LONRF3: variants seen among roughly 807,000 people sequenced by gnomAD.
LONRF3 encodes the protein LON peptidase N-terminal domain and RING finger protein 3.
In LONRF3, 19 loss-of-function variants were observed where a neutral mutation model predicts 51.7. The ratio of observed to expected loss-of-function variants is 0.37; its 90% CI spans 0.26 to 0.54. The LOEUF (loss-of-function observed/expected upper bound fraction) is 0.54, where lower values mean the gene tolerates loss of function less well. LONRF3 is among the 20% of genes least tolerant of loss of function. The pLI is 0.86. For missense variants in LONRF3, 521 were observed against 623.9 expected, an observed-to-expected ratio of 0.84 and a Z score of 1.76; for synonymous variants, 265 against 257.8, an observed-to-expected ratio of 1.03 and a Z score of -0.27.
chrX:118,999,883 G>A (rs1406291857), intron 5 of LONRF3, among the ~76,000 whole-genome samples: 2 of 111,931 alleles, frequency 1.8e-5, no homozygotes, highest in African/African-American at 6.5e-5. Flanking sequence ...GCCTCTCACT[G>A]CTTGATGGTG....
intron 5 of LONRF3, among the ~76,000 whole-genome samples, chrX:118,997,929 C>T: frequency 8.9e-6 from 1 of 112,564 alleles, no homozygotes; most frequent in Non-Finnish European, 1.9e-5. Context: ...GAGATACCAC[C>T]TTACTCCTGT....
At chrX:118,996,042 A>C (rs982489139) in intron 5 of LONRF3, among the ~76,000 whole-genome samples, 2 of 112,417 alleles carry the variant, frequency 1.8e-5, no homozygotes, top group African/African-American at 6.5e-5. Flanking sequence ...AACCAAAAAA[A>C]GAAAACCACA....
At position 118,974,802 on chromosome X, in the gene LONRF3, C is replaced by G; in HGVS notation, c.22C>G (p.Gln8Glu). 1 of 1,208,022 alleles carries G rather than the reference C, an allele frequency of 8.3e-7. No homozygotes were observed. ...TCCCATGGAGTCAGTACGGATCGAA[C>G]AGATGCTGAGCTTGCCCGCTGAGGT... MESVRIE[Q>E]MLSLPAEVSS... The change falls in exon 1 of 11, where the codon CAG (glutamine) becomes GAG (glutamate). Residue 8 changes from glutamine to glutamate, a missense_variant. Around this residue, in one of 2 missense-constraint regions of LONRF3, gnomAD observed 376 missense variants for 376.7 expected, o/e 1.00. Transcript: ENST00000371628.
intron 8 of LONRF3, among the ~76,000 whole-genome samples, chrX:119,012,729 C>T (rs1382562504): frequency 8.9e-6 from 1 of 112,321 alleles, no homozygotes; most frequent in Non-Finnish European, 1.9e-5. Context: ...AATGTCCCAC[C>T]TCTTAATAAT....
Position 119,014,255 on chromosome X carries a change from T to C in LONRF3, c.2023T>C (p.Tyr675His), listed in dbSNP as rs1374560713. 10 of 1,207,899 alleles carry C rather than the reference T, an allele frequency of 8.3e-6. No individual in the cohort carries two copies. Among genetic ancestry groups the C allele is most frequent in the Non-Finnish European group, 1.1e-5 (10 of 893,283 alleles). ...GCTCATGGGATTACATAACTGTGTC[T>C]ATCAGCAAGCATCATTGTGGTTTCA... is the stretch of plus-strand genomic sequence containing the variant. ...AELMGLHNCV[Y>H]QQASLWFHSL... Residue 675 changes from tyrosine (Y) to histidine (H), a missense_variant, in exon 10 of 11, where the codon TAT (tyrosine) becomes CAT (histidine). By Grantham distance (83) the Tyr-to-His change is moderately conservative. This residue lies in a region of LONRF3 where 145 missense variants were observed against 247.2 expected (regional missense o/e 0.59). Coordinates refer to ENST00000371628, the MANE Select transcript of LONRF3 (RefSeq NM_001031855.3).
chrX:118,979,823 G>A (rs1054896496), intron 2 of LONRF3, among the ~76,000 whole-genome samples: 1 of 111,279 alleles, frequency 9.0e-6, no homozygotes, highest in Non-Finnish European at 1.9e-5. Context: ...TCACATGGGG[G>A]GTGAGAAGAA....
chrX:119,005,364 C>A (rs1270400525), intron 5 of LONRF3, among the ~76,000 whole-genome samples: 1 of 111,831 alleles, frequency 8.9e-6, no homozygotes, highest in African/African-American at 3.3e-5. Flanking sequence ...AGGATTCCCA[C>A]ATTGCTTTGA....
chrX:119,006,916 G>T (rs753459492), intron 6 of LONRF3, among the ~76,000 whole-genome samples: 34 of 108,710 alleles, frequency 3.1e-4, no homozygotes, highest in African/African-American at 1.1e-3. Flanking sequence ...TAGAAATGGG[G>T]TTTCACCATA....
rs1921926985 is a variant in LONRF3 at position 118,975,349 on chromosome X, G to GGCGCTGT, written c.580_586dup (p.Gly196AlafsTer78). 7 of 1,209,798 alleles carry GGCGCTGT rather than the reference G, an allele frequency of 5.8e-6. No individual in the cohort carries two copies. Among genetic ancestry groups the GGCGCTGT allele is most frequent in the Non-Finnish European group, 7.8e-6 (7 of 894,841 alleles). On this transcript the variant is annotated frameshift_variant, in exon 1 of 11. Coordinates refer to ENST00000371628, the MANE Select transcript of LONRF3 (RefSeq NM_001031855.3). LOFTEE classifies it high-confidence loss of function. The stretch of plus-strand genomic sequence containing the variant: ...CTGGAACGTGGGCGGGCCGCCGACC[G>GGCGCTGT]GCGCTGTGCGCTGTGCGGGGTCAAG...
chrX:118,983,739 G>A (rs1272417603), intron 3 of LONRF3, among the ~76,000 whole-genome samples: 3 of 111,843 alleles, frequency 2.7e-5, no homozygotes, highest in East Asian at 2.8e-4. Context: ...TATTCACCGC[G>A]GAGCCTTACG....
intron 10 of LONRF3, among the ~76,000 whole-genome samples, chrX:119,016,053 T>C (rs7883690): frequency 0.46 from 50,904 of 110,807 alleles, 9,657 homozygotes; most frequent in African/African-American, 0.73. Flanking sequence ...GCAAATGAAG[T>C]TAGAGGCACA....
At chrX:118,997,313 ACCCAAATACTTACAG>A (rs1923943905) in intron 5 of LONRF3, among the ~76,000 whole-genome samples, 1 of 111,906 alleles carries the variant, frequency 8.9e-6, no homozygotes, top group Non-Finnish European at 1.9e-5. Flanking sequence ...CCAGAAATAA[ACCCAAATACTTACAG>A]CCAACTGATC....
chrX:119,006,246 A>T lies in LONRF3; in HGVS notation c.1530+11A>T. ...GACGGTCTTTCACAGGTAAATCAAT[A>T]TTTCTTTCTTGTTTGGTTTAAATCA... On this transcript the variant is annotated intron_variant, in intron 6 of 10. Transcript: ENST00000371628. The T allele has an allele frequency of 9.3e-7, 1 of 1,071,002 alleles. No individual in the cohort carries two copies. The highest frequency in any genetic ancestry group is 2.0e-5 in the South Asian group (1 of 49,470). The allele number at this position is 1,071,002 out of a possible 1,213,427, so 88.3% of individuals were successfully genotyped here.
chrX:118,985,537 G>A (rs1922883866), intron 3 of LONRF3, among the ~76,000 whole-genome samples: 1 of 112,223 alleles, frequency 8.9e-6, no homozygotes, highest in Admixed American at 9.4e-5. Flanking sequence ...CCTGGGCCCT[G>A]GGGTGGATAA....
At chrX:119,011,688 GAC>G in intron 7 of LONRF3, 125 bp from the exon 8 acceptor site, 1 of 607,061 alleles carries the variant, frequency 1.6e-6, no homozygotes, top group Non-Finnish European at 2.7e-6. Context: ...TTTGGCAAGT[GAC>G]ACTGTCAAAA....
chrX:119,010,140 C>T (rs1184020092), intron 7 of LONRF3, among the ~76,000 whole-genome samples: 1 of 111,477 alleles, frequency 9.0e-6, no homozygotes, highest in African/African-American at 3.3e-5. Context: ...GGTAATAATA[C>T]TAATACTTGT....
rs144350388 is a variant in LONRF3, at chrX:118,994,601, C to T, written c.1415+4041C>T. Among the ~76,000 whole-genome samples, 364 of 110,768 alleles carry T rather than the reference C, an allele frequency of 3.3e-3. 1 individual carries two copies. The highest frequency in any genetic ancestry group is 0.011 in the African/African-American group (340 of 30,398). ...TATTTTTAGTAGAGACTGGGTTTCA[C>T]CATGTTGGTCAGGCTGGTCTTGAAC... On this transcript the variant is annotated intron_variant, in intron 5 of 10. Coordinates refer to ENST00000371628, the MANE Select transcript of LONRF3 (RefSeq NM_001031855.3).
chrX:119,009,895 G>T (rs1221787031), intron 7 of LONRF3, among the ~76,000 whole-genome samples: 1 of 110,721 alleles, frequency 9.0e-6, no homozygotes, highest in Admixed American at 9.6e-5. Context: ...TCAGCCACCC[G>T]AGTAGCTGAG....
intron 1 of LONRF3, among the ~76,000 whole-genome samples, chrX:118,977,604 C>T (rs1273412566): frequency 8.9e-6 from 1 of 112,256 alleles, no homozygotes; most frequent in African/African-American, 3.2e-5. Context: ...CCCAGCTAGC[C>T]GTGTGACCTT....
Sources: gnomAD v4.1 joint callset for allele counts (sites outside exome capture counted in the v4.1 genomes callset) on GRCh38, gnomAD v4.1.1 for gene constraint, gnomAD v4.1.1 regional missense constraint, MANE v1.5 for transcripts, NCBI Gene and HGNC (gene_info 2026-07-23, HGNC 2026-07-21) for gene names.